The following BCAS1 variants were observed in gnomAD, a reference collection of about 807,000 sequenced individuals.
BCAS1 encodes the protein brain enriched myelin associated protein 1.
BCAS1 carries 46 observed loss-of-function variants against 65.4 expected under a neutral mutation model. The ratio of observed to expected loss-of-function variants is 0.70; its 90% CI spans 0.55 to 0.90. The LOEUF is 0.90. Ranked by LOEUF, BCAS1 falls within the 40% of genes least tolerant of loss-of-function variation. The pLI is 0.00. For synonymous variants in BCAS1, 298 were observed against 293.5 expected (o/e 1.02, Z -0.16); for missense variants, 793 against 771.2 (o/e 1.03, Z -0.33).
chr20:53,967,251 A>G (rs2090058768), intron 9 of BCAS1, among the ~76,000 whole-genome samples, 178 bp from the exon 10 acceptor site: 1 of 152,206 alleles, frequency 6.6e-6, no homozygotes, highest in African/African-American at 2.4e-5. Flanking sequence ...ACAACGCACC[A>G]ATTTCCAAGC....
At chr20:54,018,676 T>C (rs980043836) in intron 4 of BCAS1, among the ~76,000 whole-genome samples, 2 of 152,174 alleles carry the variant, frequency 1.3e-5, no homozygotes, top group Non-Finnish European at 2.9e-5. Flanking sequence ...GGCTGCCTGA[T>C]TGACTCTCAG....
intron 4 of BCAS1, 54 bp downstream of exon 4, chr20:54,028,338 T>A (rs751706147): frequency 1.3e-6 from 2 of 1,591,014 alleles, no homozygotes; most frequent in Non-Finnish European, 1.7e-6. Flanking sequence ...CTTATCCCAT[T>A]AGCGCCCCCG....
intron 4 of BCAS1, among the ~76,000 whole-genome samples, chr20:54,025,370 T>G (rs953936478): frequency 2.0e-5 from 3 of 152,242 alleles, no homozygotes; most frequent in African/African-American, 7.2e-5. Flanking sequence ...CATTGGTTTG[T>G]ATGAATCACA....
rs867342468 is a variant in BCAS1, at chr20:53,945,016, C to T, written c.1816-20G>A. ...TGGTCCCTGGAGAAAAACAGAAAGA[C>T]GTGGCAGCCTATTGAAGCTCTGTAA... On this transcript the variant is annotated intron_variant, in intron 12 of 12. Transcript: ENST00000688948. 14 of 1,610,942 alleles carry T rather than the reference C, an allele frequency of 8.7e-6. No individual in the cohort carries two copies. Among genetic ancestry groups the T allele is most frequent in the East Asian group, 4.5e-5 (2 of 44,862 alleles).
At chr20:53,974,046 C>T (rs1055368594) in intron 9 of BCAS1, among the ~76,000 whole-genome samples, 5 of 150,108 alleles carry the variant, frequency 3.3e-5, no homozygotes, top group Admixed American at 1.3e-4. Flanking sequence ...GTAAATGCAC[C>T]AATCAGCACT....
In BCAS1 at chr20:53,995,889, T is replaced by C; in HGVS notation, c.882+3A>G. On this transcript the variant is annotated splice_donor_region_variant and intron_variant, in intron 5 of 12. Coordinates refer to ENST00000688948, the MANE Select transcript of BCAS1 (RefSeq NM_001366298.2). ...GAGGGGAAAAGAGGAGAAAACTGCT[T>C]ACCAGAGTTTTAAAGAAACTCATGA... 1 of 1,594,978 alleles carries C rather than the reference T, an allele frequency of 6.3e-7. No individual in the cohort carries two copies. Among genetic ancestry groups the C allele is most frequent in the Non-Finnish European group, 8.5e-7 (1 of 1,170,704 alleles).
intron 3 of BCAS1, among the ~76,000 whole-genome samples, chr20:54,039,866 A>G (rs1342892897): frequency 6.6e-6 from 1 of 151,390 alleles, no homozygotes; most frequent in Non-Finnish European, 1.5e-5. Flanking sequence ...AACACGTATA[A>G]GCATCCCAGA....
intron 4 of BCAS1, among the ~76,000 whole-genome samples, chr20:54,027,206 G>T (rs776617263): frequency 6.6e-5 from 10 of 152,212 alleles, no homozygotes; most frequent in Non-Finnish European, 1.5e-4. Flanking sequence ...AATGCTGACA[G>T]TAAGAGCCTA....
intron 1 of BCAS1, among the ~76,000 whole-genome samples, chr20:54,067,979 G>A (rs928851730): frequency 1.4e-4 from 22 of 152,320 alleles, no homozygotes; most frequent in Middle Eastern, 3.4e-3. Context: ...GAACAACCCC[G>A]CTTTGCCTGC....
intron 6 of BCAS1, among the ~76,000 whole-genome samples, chr20:53,994,487 C>T (rs1190920592): frequency 6.6e-6 from 1 of 152,190 alleles, no homozygotes; most frequent in African/African-American, 2.4e-5. Flanking sequence ...TATTCTATTT[C>T]ACCAAACCAC....
At chr20:53,969,195 C>G (rs1435962808) in intron 9 of BCAS1, among the ~76,000 whole-genome samples, 1 of 151,386 alleles carries the variant, frequency 6.6e-6, no homozygotes, top group Non-Finnish European at 1.5e-5. Flanking sequence ...GTGGGAATTG[C>G]ATACACATCA....
chr20:53,987,048 C>T (rs1442448578), intron 7 of BCAS1, among the ~76,000 whole-genome samples: 1 of 152,192 alleles, frequency 6.6e-6, no homozygotes, highest in Admixed American at 6.5e-5. Context: ...ACAACCTGGC[C>T]TCAAGTCTGA....
intron 10 of BCAS1, among the ~76,000 whole-genome samples, chr20:53,965,449 C>T (rs1011384085): frequency 2.6e-5 from 4 of 152,172 alleles, no homozygotes; most frequent in Non-Finnish European, 5.9e-5. Context: ...TGACCTTTTA[C>T]ATGCATTTTT....
chr20:54,043,605 C>T (rs1194340665), intron 3 of BCAS1, among the ~76,000 whole-genome samples: 1 of 152,148 alleles, frequency 6.6e-6, no homozygotes, highest in Non-Finnish European at 1.5e-5. Context: ...CTGCAAACTC[C>T]ATTTCATTCA....
chr20:54,037,680 G>T (rs290466), intron 3 of BCAS1, among the ~76,000 whole-genome samples: 55,331 of 150,894 alleles, frequency 0.37, 11,339 homozygotes, highest in South Asian at 0.42. Flanking sequence ...TTTACAGGTC[G>T]TGAAACTGAG....
chr20:53,997,549 TCA>T (rs1302219296), intron 4 of BCAS1, among the ~76,000 whole-genome samples: 1 of 150,868 alleles, frequency 6.6e-6, no homozygotes, highest in Non-Finnish European at 1.5e-5. Context: ...AGTGATCATC[TCA>T]CACTTTTATT....
At chr20:54,025,239 T>C (rs936226289) in intron 4 of BCAS1, among the ~76,000 whole-genome samples, 1 of 152,148 alleles carries the variant, frequency 6.6e-6, no homozygotes, top group Non-Finnish European at 1.5e-5. Flanking sequence ...TTTTAACCAA[T>C]AAAGGTCAAG....
At chr20:53,989,572 T>C (rs1412316276) in intron 7 of BCAS1, among the ~76,000 whole-genome samples, 1 of 152,122 alleles carries the variant, frequency 6.6e-6, no homozygotes. Flanking sequence ...TGTCATGCCA[T>C]ATTTCCAGCC....
chr20:54,058,836 C>T, intron 1 of BCAS1, 113 bp from the exon 2 acceptor site: 1 of 1,200,586 alleles, frequency 8.3e-7, no homozygotes, highest in East Asian at 2.4e-5. Context: ...TTATCATCAG[C>T]TGAGATCAGA....
Sources: gnomAD v4.1 joint callset for allele counts (sites outside exome capture counted in the v4.1 genomes callset) on GRCh38, gnomAD v4.1.1 for gene constraint, MANE v1.5 for transcripts, NCBI Gene and HGNC (gene_info 2026-07-23, HGNC 2026-07-21) for gene names.